Variants in FBXL4 observed in about 807,000 individuals in gnomAD.
The protein encoded by FBXL4 is F-box/LRR-repeat protein 4.
FBXL4 carries 40 observed loss-of-function variants against 58.9 expected under a neutral mutation model. The observed-to-expected ratio is 0.68, with a 90% CI of 0.53 to 0.88. The LOEUF (loss-of-function observed/expected upper bound fraction) is 0.88, where lower values mean the gene tolerates loss of function less well. FBXL4 is among the 40% of genes least tolerant of loss of function. The pLI, the probability that FBXL4 is intolerant of heterozygous loss-of-function variation, is 0.00. For missense variants in FBXL4, 676 were observed against 734.4 expected, an observed-to-expected ratio of 0.92 and a Z score of 0.92; for synonymous variants, 263 against 265.5, an observed-to-expected ratio of 0.99 and a Z score of 0.09.
chr6:98,906,214 T>A (rs1016915260), intron 5 of FBXL4, among the ~76,000 whole-genome samples: 1 of 151,450 alleles, frequency 6.6e-6, no homozygotes, highest in Admixed American at 6.6e-5. Flanking sequence ...CTGGGGTACA[T>A]GTGCAGAACA....
rs576811502 is a variant in FBXL4 at position 98,922,859 on chromosome 6, A to G, written c.512+3618T>C. ...TTACTGTATGTTAATTTAGCAAAGT[A>G]AATAATCTGACAAGTCTATGAGTTC... is the stretch of plus-strand genomic sequence containing the variant. On this transcript the variant is annotated intron_variant, in intron 4 of 9. Transcript: ENST00000369244. Among the ~76,000 whole-genome samples, 3 of 152,316 alleles carry G rather than the reference A, an allele frequency of 2.0e-5. No individual in the cohort carries two copies. The East Asian group carries it at 5.8e-4, about 29-fold the overall frequency.
chr6:98,875,482 A>G lies in FBXL4; in HGVS notation c.1635T>C (p.Ser545=). Residue 545 remains serine, a synonymous_variant, in exon 9 of 10, where the codon TCT becomes TCC. Coordinates refer to ENST00000369244, the MANE Select transcript of FBXL4 (RefSeq NM_001278716.2). ...ATTCATCAATGTCTGTGTCACACAC[A>G]GATCTATTAGCTGTAAGAAAGAGTT... is the stretch of plus-strand genomic sequence containing the variant. ...LQKLFLTANR[S]VCDTDIDELA... is the part of the protein sequence containing the mutation. The G allele has an allele frequency of 1.2e-6, 2 of 1,614,136 alleles. No homozygotes were observed. The highest frequency in any genetic ancestry group is 8.5e-7 in the Non-Finnish European group (1 of 1,179,984).
intron 8 of FBXL4, among the ~76,000 whole-genome samples, chr6:98,877,201 G>A (rs1363964227): frequency 6.6e-6 from 1 of 152,088 alleles, no homozygotes; most frequent in African/African-American, 2.4e-5. Flanking sequence ...GTGTATGTAT[G>A]GTGGAATCAT....
At chr6:98,930,748 A>G (rs2128407933) in intron 2 of FBXL4, among the ~76,000 whole-genome samples, 1 of 152,322 alleles carries the variant, frequency 6.6e-6, no homozygotes, top group African/African-American at 2.4e-5. Flanking sequence ...CCCGTCTCAA[A>G]AACAGACAGA....
At chr6:98,931,892 T>A (rs1384748488) in intron 2 of FBXL4, among the ~76,000 whole-genome samples, 2 of 152,238 alleles carry the variant, frequency 1.3e-5, no homozygotes, top group Non-Finnish European at 2.9e-5. Context: ...AAGTCCAAAT[T>A]GTCCAGGCGC....
At chr6:98,890,550 T>C (rs1264619783) in intron 7 of FBXL4, among the ~76,000 whole-genome samples, 3 of 152,186 alleles carry the variant, frequency 2.0e-5, no homozygotes, top group African/African-American at 7.2e-5. Flanking sequence ...TGTATAAGTG[T>C]AAATCTTTCT....
At chr6:98,933,281 C>T (rs137922198) in intron 2 of FBXL4, among the ~76,000 whole-genome samples, 3,504 of 152,252 alleles carry the variant, frequency 0.023, 58 homozygotes, top group Non-Finnish European at 0.036. Flanking sequence ...CCCAGGTTTT[C>T]TTCTTCCTAA....
intron 5 of FBXL4, 25 bp downstream of exon 5, chr6:98,917,349 C>T (rs768714798): frequency 1.5e-5 from 22 of 1,499,172 alleles, no homozygotes; most frequent in Admixed American, 7.5e-5. Flanking sequence ...ATATCCAATA[C>T]TGCTGCTAAA....
At chr6:98,886,461 CTATACTT>C (rs1771042579) in intron 7 of FBXL4, among the ~76,000 whole-genome samples, 1 of 152,188 alleles carries the variant, frequency 6.6e-6, no homozygotes, top group Non-Finnish European at 1.5e-5. Flanking sequence ...TTCCTAATGA[CTATACTT>C]TATTTGCTAG....
chr6:98,917,412 C>T lies in FBXL4; in HGVS notation c.820G>A (p.Gly274Arg). ...KKFSSAVLGE[G>R]PNNGYFDKLP... ...TTATCAAAATACCCATTATTTGGCC[C>T]TTCCCCGAGGACAGCACTGCTAAAC... is the stretch of plus-strand genomic sequence containing the variant. The change falls in exon 5 of 10, where the codon GGG becomes AGG. Residue 274 changes from glycine (G) to arginine (R), a missense_variant. Physicochemically the swap from Gly to Arg is moderately radical, Grantham distance 125. Coordinates refer to ENST00000369244, the MANE Select transcript of FBXL4 (RefSeq NM_001278716.2). 6.2e-7 allele frequency: 1 copy of T among 1,611,330 alleles called. No homozygotes were observed. The highest frequency in any genetic ancestry group is 8.5e-7 in the Non-Finnish European group (1 of 1,178,758).
chr6:98,926,621 C>T lies in FBXL4; in HGVS notation c.368G>A (p.Ser123Asn), dbSNP rs763077783. Residue 123 changes from serine to asparagine, a missense_variant, in exon 4 of 10, where the codon AGC (serine) becomes AAC (asparagine). Ser to Asn is a conservative substitution (Grantham distance 46). Transcript: ENST00000369244. ...AAAAGTAAGTTCCACATAGTCCTGG[C>T]TCTGAAAATTAGGTGGCGTCCTCTT... The part of the protein sequence containing the change: ...PFKRTPPNFQ[S>N]QDYVELTFEQ... The T allele has an allele frequency of 6.2e-6, 10 of 1,614,134 alleles. No individual in the cohort carries two copies. Among genetic ancestry groups the T allele is most frequent in the Non-Finnish European group, 8.5e-6 (10 of 1,180,016 alleles).
chr6:98,930,831 T>C (rs994549473), intron 2 of FBXL4, among the ~76,000 whole-genome samples: 1 of 152,218 alleles, frequency 6.6e-6, no homozygotes. Context: ...TTTTACCATA[T>C]ACACTTTATT....
chr6:98,912,356 C>T (rs1017963191), intron 5 of FBXL4, among the ~76,000 whole-genome samples: 1 of 152,064 alleles, frequency 6.6e-6, no homozygotes, highest in Non-Finnish European at 1.5e-5. Context: ...AGAAGAGCAA[C>T]TCCAAGACAC....
At chr6:98,898,486 T>C (rs968466546) in intron 7 of FBXL4, 1 of 947,962 alleles carries the variant, frequency 1.1e-6, no homozygotes, top group African/African-American at 1.8e-5. Flanking sequence ...GTGCCTGTAA[T>C]CCCAGATACT....
rs1421218979 is a variant in FBXL4 at position 98,873,008 on chromosome 6, T to C, written c.*1270A>G. 6.6e-6 allele frequency: 1 copy of C among 152,082 alleles called. No homozygotes were observed. The highest frequency in any genetic ancestry group is 1.5e-5 in the Non-Finnish European group (1 of 68,030). The allele number at this position is 152,082 out of a possible 1,614,324, so 9.4% of individuals were successfully genotyped here. A position where few individuals can be genotyped will look rare whatever the true frequency, so the allele number is the denominator to read the frequency against. ...GTGACTACTGAACACTTGACATACA[T>C]CGTTTTGTTAAAAAAATGAATTAAT... On this transcript the variant is annotated 3_prime_UTR_variant, in exon 10 of 10. Transcript: ENST00000369244.
At chr6:98,876,335 T>C (rs1374672283) in intron 8 of FBXL4, among the ~76,000 whole-genome samples, 1 of 152,202 alleles carries the variant, frequency 6.6e-6, no homozygotes, top group Non-Finnish European at 1.5e-5. Context: ...AAGACTCTAC[T>C]AATCAAGGAT....
rs1014148853 is a variant in FBXL4, at chr6:98,872,060, A to G, written c.*2218T>C. On this transcript the variant is annotated 3_prime_UTR_variant, in exon 10 of 10. Transcript: ENST00000369244. The stretch of plus-strand genomic sequence containing the variant: ...CAACATTGTTTGAATTACAAGTAAC[A>G]ACAAGCTGCTTTACACATTTCCTGT... The G allele has an allele frequency of 1.3e-5, 2 of 152,198 alleles. No homozygotes were observed. The highest frequency in any genetic ancestry group is 4.8e-5 in the African/African-American group (2 of 41,468). The allele number at this position is 152,198 out of a possible 1,614,324, so 9.4% of individuals were successfully genotyped here.
At chr6:98,879,653 C>A (rs879391985) in intron 8 of FBXL4, among the ~76,000 whole-genome samples, 1 of 151,960 alleles carries the variant, frequency 6.6e-6, no homozygotes, top group Non-Finnish European at 1.5e-5. Context: ...GAGGCCGAGG[C>A]GGGCGGATCA....
At position 98,913,109 on chromosome 6, in the gene FBXL4, T is replaced by C. The variant is rs143662364; in HGVS notation, c.858+4265A>G. On this transcript the variant is annotated intron_variant, in intron 5 of 9. Coordinates refer to ENST00000369244, the MANE Select transcript of FBXL4 (RefSeq NM_001278716.2). ...CATTACACAATGGTAAAGGGATCAA[T>C]TCAACAAGAAGAGCTAACTGTCCTA... Among the ~76,000 whole-genome samples, 947 of 152,274 alleles carry C rather than the reference T, an allele frequency of 6.2e-3. 18 individuals carry two copies. Among genetic ancestry groups the C allele is most frequent in the African/African-American group, 0.022 (912 of 41,558 alleles).
Sources: allele counts gnomAD v4.1 joint callset (sites outside exome capture counted in the v4.1 genomes callset), GRCh38; gene constraint gnomAD v4.1.1; transcripts MANE v1.5; gene names NCBI Gene and HGNC (gene_info 2026-07-23, HGNC 2026-07-21).